The following AQP9 variants were observed in gnomAD, a reference collection of about 807,000 sequenced individuals.
The protein encoded by AQP9 is aquaporin 9.
Under a neutral mutation model 23.8 loss-of-function variants are expected in AQP9, and 19 were observed. The ratio of observed to expected loss-of-function variants is 0.80; its 90% CI spans 0.56 to 1.17. The LOEUF is 1.17. Ranked by LOEUF, AQP9 falls within the 50% of genes most tolerant of loss-of-function variation. The pLI is 0.00. For missense variants in AQP9, 413 were observed against 362.0 expected, an observed-to-expected ratio of 1.14 and a Z score of -1.14; for synonymous variants, 153 against 131.5, an observed-to-expected ratio of 1.16 and a Z score of -1.12.
intron 1 of AQP9, among the ~76,000 whole-genome samples, chr15:58,165,982 C>T (rs1272634038): frequency 6.6e-6 from 1 of 152,168 alleles, no homozygotes; most frequent in Non-Finnish European, 1.5e-5. Context: ...AATCTATCCC[C>T]CTAAGGTTTT....
chr15:58,162,796 A>G (rs547862802), intron 1 of AQP9, among the ~76,000 whole-genome samples: 15 of 152,312 alleles, frequency 9.8e-5, no homozygotes, highest in East Asian at 3.9e-4. Flanking sequence ...ATGCATGAAT[A>G]TGCAAGCTTT....
intron 5 of AQP9, among the ~76,000 whole-genome samples, chr15:58,181,921 AT>A (rs1231672196): frequency 1.1e-4 from 17 of 152,188 alleles, no homozygotes; most frequent in South Asian, 6.2e-4. Flanking sequence ...AGAGTGTCTC[AT>A]TTCCTCAGAG....
chr15:58,170,146 C>T (rs533313432), intron 2 of AQP9, among the ~76,000 whole-genome samples: 221 of 152,242 alleles, frequency 1.5e-3, no homozygotes, highest in Non-Finnish European at 2.4e-3. Flanking sequence ...ACTGCTCTGC[C>T]TTGTCCTTGT....
In AQP9 at chr15:58,184,148, CT is replaced by C. The variant is rs1436525614; in HGVS notation, c.*14del. 6.2e-7 allele frequency: 1 copy of C among 1,610,296 alleles called. No homozygotes were observed. Among genetic ancestry groups the C allele is most frequent in the Non-Finnish European group, 8.5e-7 (1 of 1,177,462 alleles). ...TGTCATCATGTAGTGGCATGCTCAG[CT>C]CTGGATTTGCAGTCAGTTTGGGATT... On this transcript the variant is annotated 3_prime_UTR_variant, in exon 6 of 6. Coordinates refer to ENST00000219919, the MANE Select transcript of AQP9 (RefSeq NM_020980.5).
chr15:58,175,016 G>A lies in AQP9; in HGVS notation c.475G>A (p.Ala159Thr). Residue 159 changes from alanine (A) to threonine (T), a missense_variant, in exon 4 of 6, where the codon GCG becomes ACG. Ala to Thr is a moderately conservative substitution (Grantham distance 58). Transcript: ENST00000219919. ...ATYPAPYLSLANAFADQVVAT... is the reference protein window; with the variant it reads ...ATYPAPYLSLTNAFADQVVAT... ...ATACCCAGCTCCGTATCTATCTCTGGCGAACGCATTTGCAGATCAAGTAAG... is the reference window on the plus strand; with the variant it reads ...ATACCCAGCTCCGTATCTATCTCTGACGAACGCATTTGCAGATCAAGTAAG... 1 of 1,613,868 alleles carries A rather than the reference G, an allele frequency of 6.2e-7. No individual in the cohort carries two copies. The highest frequency in any genetic ancestry group is 8.5e-7 in the Non-Finnish European group (1 of 1,179,712).
chr15:58,142,052 G>A (rs946700287), intron 1 of AQP9, among the ~76,000 whole-genome samples: 14 of 152,188 alleles, frequency 9.2e-5, no homozygotes, highest in Non-Finnish European at 2.1e-4. Context: ...TATTGGTGGA[G>A]AAGCTGAGCT....
chr15:58,146,324 T>C (rs1304647467), intron 1 of AQP9, among the ~76,000 whole-genome samples: 1 of 152,144 alleles, frequency 6.6e-6, no homozygotes, highest in African/African-American at 2.4e-5. Context: ...GAATTTTGTA[T>C]AGTTGCTGTT....
At chr15:58,182,660 T>G (rs1011885943) in intron 5 of AQP9, among the ~76,000 whole-genome samples, 1 of 152,136 alleles carries the variant, frequency 6.6e-6, no homozygotes, top group South Asian at 2.1e-4. Context: ...AAAATCCATC[T>G]GGATTTGGGG....
At chr15:58,155,072 G>C (rs1251148387) in intron 1 of AQP9, 3 of 152,164 alleles carry the variant, frequency 2.0e-5, no homozygotes, top group African/African-American at 7.2e-5. Flanking sequence ...TCACTTATTT[G>C]TGCCTGCTTA....
intron 4 of AQP9, among the ~76,000 whole-genome samples, chr15:58,176,830 C>T (rs527433064): frequency 7.2e-5 from 11 of 152,028 alleles, no homozygotes; most frequent in South Asian, 4.2e-4. Context: ...AGACTGGTCT[C>T]GAACTCCTGA....
intron 1 of AQP9, among the ~76,000 whole-genome samples, chr15:58,142,472 G>T (rs995202471): frequency 2.6e-5 from 4 of 152,158 alleles, no homozygotes; most frequent in African/African-American, 7.2e-5. Context: ...GATCGTGGTG[G>T]GGATATTTTA....
intron 1 of AQP9, among the ~76,000 whole-genome samples, chr15:58,166,293 C>A (rs1898501304): frequency 6.6e-6 from 1 of 152,170 alleles, no homozygotes; most frequent in Admixed American, 6.5e-5. Flanking sequence ...TAAAAGGAAC[C>A]AGTGGGTAAC....
At chr15:58,144,524 C>T (rs1298345813) in intron 1 of AQP9, among the ~76,000 whole-genome samples, 1 of 152,236 alleles carries the variant, frequency 6.6e-6, no homozygotes, top group Middle Eastern at 3.4e-3. Context: ...TTGTTGAGAA[C>T]ATTGTTTGTT....
chr15:58,138,815 A>T (rs1897903092), intron 1 of AQP9, 139 bp downstream of exon 1: 1 of 707,500 alleles, frequency 1.4e-6, no homozygotes. Flanking sequence ...GAAACAAGTT[A>T]CTAGAGGCTG....
intron 1 of AQP9, among the ~76,000 whole-genome samples, chr15:58,141,648 C>T (rs761734801): frequency 2.0e-5 from 3 of 152,176 alleles, no homozygotes; most frequent in Non-Finnish European, 4.4e-5. Flanking sequence ...AAATTTCAGA[C>T]ACTGCAGTGT....
At chr15:58,140,485 C>G (rs1351623275) in intron 1 of AQP9, among the ~76,000 whole-genome samples, 1 of 152,124 alleles carries the variant, frequency 6.6e-6, no homozygotes, top group Non-Finnish European at 1.5e-5. Context: ...AAAGTGAACC[C>G]TAATAAAATC....
At chr15:58,165,294 A>G (rs1476437029) in intron 1 of AQP9, among the ~76,000 whole-genome samples, 4 of 152,230 alleles carry the variant, frequency 2.6e-5, no homozygotes, top group African/African-American at 2.4e-5. Context: ...ACCGTCCTTC[A>G]CCAAGTATTT....
chr15:58,166,242 C>T (rs1295445138), intron 1 of AQP9, among the ~76,000 whole-genome samples: 6 of 152,160 alleles, frequency 3.9e-5, no homozygotes, highest in Non-Finnish European at 7.3e-5. Context: ...TGCTACTGTG[C>T]TCGATTATTT....
At chr15:58,142,755 C>G (rs1455714692) in intron 1 of AQP9, among the ~76,000 whole-genome samples, 1 of 152,188 alleles carries the variant, frequency 6.6e-6, no homozygotes, top group East Asian at 1.9e-4. Context: ...CAACAGCCAC[C>G]TATTCTTTCT....
Sources: allele counts gnomAD v4.1 joint callset (sites outside exome capture counted in the v4.1 genomes callset), GRCh38; gene constraint gnomAD v4.1.1; transcripts MANE v1.5; gene names NCBI Gene and HGNC (gene_info 2026-07-23, HGNC 2026-07-21).